The following CAMK2D variants were observed in gnomAD, a reference collection of about 807,000 sequenced individuals.
CAMK2D encodes calcium/calmodulin-dependent protein kinase type II subunit delta.
A neutral mutation model predicts 84.0 loss-of-function variants in CAMK2D; 37 were observed. That is an observed-to-expected ratio of 0.44 (90% CI 0.34 to 0.58). CAMK2D has a LOEUF of 0.58. Among genes scored for constraint, CAMK2D ranks in the 20% least tolerant of loss-of-function variants. The probability of loss-of-function intolerance (pLI) is 0.02; values close to 1 mark genes in which losing one functional copy is unlikely to be tolerated. For synonymous variants in CAMK2D, 202 were observed against 212.5 expected (o/e 0.95, Z 0.43); for missense variants, 448 against 652.5 (o/e 0.69, Z 3.41).
intron 6 of CAMK2D, among the ~76,000 whole-genome samples, chr4:113,543,768 G>GTTTA (rs79922057): frequency 0.2 from 29,228 of 146,606 alleles, 3,436 homozygotes; most frequent in Non-Finnish European, 0.26. Context: ...TATCTATCAA[G>GTTTA]TTTATTTATT....
intron 7 of CAMK2D, among the ~76,000 whole-genome samples, chr4:113,533,450 T>G (rs1233480780): frequency 6.6e-6 from 1 of 152,080 alleles, no homozygotes; most frequent in African/African-American, 2.4e-5. Context: ...AATGAGAGCT[T>G]GCCTTTTTTA....
chr4:113,580,524 A>C (rs1432251805), intron 4 of CAMK2D, among the ~76,000 whole-genome samples: 3 of 152,326 alleles, frequency 2.0e-5, no homozygotes, highest in South Asian at 2.1e-4. Flanking sequence ...ACTAAAATCC[A>C]ACAATTACCT....
At chr4:113,508,352 T>G in intron 13 of CAMK2D, 76 of 961,644 alleles carry the variant, frequency 7.9e-5, no homozygotes, top group Non-Finnish European at 1.0e-4. Flanking sequence ...GAGTATAGAA[T>G]AATTTTGTTT....
At chr4:113,471,287 C>T (rs1254275297) in intron 16 of CAMK2D, among the ~76,000 whole-genome samples, 2 of 152,102 alleles carry the variant, frequency 1.3e-5, no homozygotes, top group African/African-American at 2.4e-5. Context: ...TCCTTAGCCT[C>T]TTAATTATTT....
At chr4:113,468,975 TAGGAAA>T (rs1335429567) in intron 16 of CAMK2D, among the ~76,000 whole-genome samples, 6 of 152,294 alleles carry the variant, frequency 3.9e-5, no homozygotes, top group African/African-American at 1.4e-4. Flanking sequence ...TCTAGATTCT[TAGGAAA>T]AGGAAAAAGA....
rs562587241 is a variant in CAMK2D, at chr4:113,694,729, T to C, written c.161-32957A>G. ...GAACATTGTCAAAAATGTCAAAAGA[T>C]CAGTTTTAATAAGCTTTTCCTTATA... On this transcript the variant is annotated intron_variant, in intron 2 of 20. Coordinates refer to ENST00000511664, the MANE Select transcript of CAMK2D (RefSeq NM_001321571.2). Among the ~76,000 whole-genome samples, 13 of 152,248 alleles carry C rather than the reference T, an allele frequency of 8.5e-5. No individual in the cohort carries two copies. In the South Asian group the frequency reaches 2.3e-3, roughly 27 times the overall value.
intron 3 of CAMK2D, among the ~76,000 whole-genome samples, chr4:113,614,414 ATGTGATTTGCTT>A (rs1197132974): frequency 6.6e-6 from 1 of 152,058 alleles, no homozygotes. Context: ...GGGCTTGGCT[ATGTGATTTGCTT>A]TGAGTGAGTA....
At chr4:113,756,415 A>G (rs2099628691) in intron 2 of CAMK2D, among the ~76,000 whole-genome samples, 1 of 152,064 alleles carries the variant, frequency 6.6e-6, no homozygotes, top group African/African-American at 2.4e-5. Context: ...TTTCAAATAC[A>G]AACAAAAATT....
chr4:113,466,527 G>C (rs2097470951), intron 16 of CAMK2D, among the ~76,000 whole-genome samples: 1 of 152,078 alleles, frequency 6.6e-6, no homozygotes, highest in Admixed American at 6.5e-5. Flanking sequence ...CCGACACTGT[G>C]ACTGGCCTTT....
intron 8 of CAMK2D, among the ~76,000 whole-genome samples, chr4:113,523,184 C>T (rs1052666490): frequency 3.9e-5 from 6 of 152,288 alleles, no homozygotes; most frequent in Admixed American, 3.9e-4. Flanking sequence ...TTATAAGCCA[C>T]GCAGTCTATG....
chr4:113,517,516 C>A, intron 9 of CAMK2D, 47 bp downstream of exon 9: 1 of 875,154 alleles, frequency 1.1e-6, no homozygotes, highest in Non-Finnish European at 1.8e-6. Flanking sequence ...GGTCAACAGG[C>A]AAAAGACAAA....
intron 3 of CAMK2D, among the ~76,000 whole-genome samples, chr4:113,645,742 A>G (rs2099149262): frequency 6.6e-6 from 1 of 152,150 alleles, no homozygotes; most frequent in Non-Finnish European, 1.5e-5. Flanking sequence ...ATTTATTGAT[A>G]GTGCTGTTCT....
intron 17 of CAMK2D, among the ~76,000 whole-genome samples, chr4:113,463,289 T>C (rs572242774): frequency 2.0e-5 from 3 of 151,984 alleles, no homozygotes; most frequent in South Asian, 4.2e-4. Context: ...AATTCACACA[T>C]AATTTTACCT....
intron 3 of CAMK2D, among the ~76,000 whole-genome samples, chr4:113,639,421 G>A (rs1040866130): frequency 6.6e-6 from 1 of 152,068 alleles, no homozygotes; most frequent in South Asian, 2.1e-4. Context: ...GGCTTTTTGT[G>A]GGGGGAATAA....
chr4:113,555,672 T>C (rs1414533619), intron 4 of CAMK2D, among the ~76,000 whole-genome samples: 1 of 152,210 alleles, frequency 6.6e-6, no homozygotes, highest in Non-Finnish European at 1.5e-5. Context: ...TTCATCCGCG[T>C]CACCTGCATG....
chr4:113,516,640 T>C, intron 9 of CAMK2D, among the ~76,000 whole-genome samples: 1 of 152,082 alleles, frequency 6.6e-6, no homozygotes, highest in Non-Finnish European at 1.5e-5. Flanking sequence ...AAAATTTTTA[T>C]CAGAAATGCA....
chr4:113,474,945 C>T (rs972606867), intron 16 of CAMK2D, among the ~76,000 whole-genome samples: 4 of 152,140 alleles, frequency 2.6e-5, no homozygotes, highest in Admixed American at 6.6e-5. Context: ...CCGTGCCTGG[C>T]GGAGAGTTAA....
At chr4:113,455,549 T>C (rs1278135963) in intron 20 of CAMK2D, among the ~76,000 whole-genome samples, 177 bp downstream of exon 20, 1 of 152,186 alleles carries the variant, frequency 6.6e-6, no homozygotes, top group Non-Finnish European at 1.5e-5. Context: ...TGCTACCAAA[T>C]AGGGCTGAAT....
rs2099428288 is a variant in CAMK2D, at chr4:113,703,180, T to C, written c.161-41408A>G. ...GCTAAATATGAGAATACAGATTTAA[T>C]AGGATTGAATTTTCACCCTCAAGTA... is the stretch of plus-strand genomic sequence containing the variant. On this transcript the variant is annotated intron_variant, in intron 2 of 20. Coordinates refer to ENST00000511664, the MANE Select transcript of CAMK2D (RefSeq NM_001321571.2). Among the ~76,000 whole-genome samples, 7 of 152,208 alleles carry C rather than the reference T, an allele frequency of 4.6e-5. No homozygotes were observed. The South Asian group carries it at 1.4e-3, about 31-fold the overall frequency.
Sources: allele counts gnomAD v4.1 joint callset (sites outside exome capture counted in the v4.1 genomes callset), GRCh38; gene constraint gnomAD v4.1.1; transcripts MANE v1.5; gene names NCBI Gene and HGNC (gene_info 2026-07-23, HGNC 2026-07-21).